GPC6: variants seen among roughly 807,000 people sequenced by gnomAD.
GPC6 encodes the protein glypican 6.
In GPC6, 14 loss-of-function variants were observed where a neutral mutation model predicts 55.2. The ratio of observed to expected loss-of-function variants is 0.25; its 90% CI spans 0.17 to 0.40. The LOEUF (loss-of-function observed/expected upper bound fraction) is 0.40. Ranked by LOEUF, GPC6 falls within the 10% of genes least tolerant of loss-of-function variation. The pLI is 1.00. For missense variants in GPC6, 641 were observed against 708.5 expected, an observed-to-expected ratio of 0.90 and a Z score of 1.08; for synonymous variants, 278 against 259.6, an observed-to-expected ratio of 1.07 and a Z score of -0.68.
intron 6 of GPC6, among the ~76,000 whole-genome samples, chr13:94,309,726 G>A (rs112223743): frequency 1.4e-4 from 22 of 152,238 alleles, no homozygotes; most frequent in Middle Eastern, 3.4e-3. Context: ...TGAGTCTATC[G>A]CAGTCCCTAC....
rs75827113 is a variant in GPC6 at position 93,577,043 on chromosome 13, T to C, written c.319+31622T>C. Among the ~76,000 whole-genome samples the C allele has an allele frequency of 4.7e-4, 71 of 152,292 alleles. No homozygotes were observed. In the East Asian group the frequency reaches 0.014, roughly 29 times the overall value. On this transcript the variant is annotated intron_variant, in intron 2 of 8. Coordinates refer to ENST00000377047, the MANE Select transcript of GPC6 (RefSeq NM_005708.5). ...ACAATGGGACATGTTTTTGTGATGA[T>C]GCCATGATTTCTAGACTAGTACTTT...
In GPC6 at chr13:93,710,742, T is replaced by C. The variant is rs900942367; in HGVS notation, c.320-119412T>C. On this transcript the variant is annotated intron_variant, in intron 2 of 8. Coordinates refer to ENST00000377047, the MANE Select transcript of GPC6 (RefSeq NM_005708.5). ...ATGAAGAAACTTATAGAAATTATAG[T>C]GTAGAATTTTCTGAAGGGTTTGAAC... Among the ~76,000 whole-genome samples the C allele has an allele frequency of 3.4e-5, 5 of 148,658 alleles. No homozygotes were observed. The East Asian group carries it at 1.0e-3, about 30-fold the overall frequency.
chr13:93,245,605 A>G (rs914227724), intron 1 of GPC6, among the ~76,000 whole-genome samples: 1 of 152,180 alleles, frequency 6.6e-6, no homozygotes, highest in African/African-American at 2.4e-5. Context: ...TGGGTCAGGT[A>G]TCATACTTTG....
intron 3 of GPC6, among the ~76,000 whole-genome samples, chr13:93,849,815 T>C (rs1314434292): frequency 6.6e-6 from 1 of 151,986 alleles, no homozygotes; most frequent in Non-Finnish European, 1.5e-5. Context: ...TTTCCCTAGG[T>C]GTGGGTAAAC....
chr13:93,731,901 A>G (rs2138837358), intron 2 of GPC6, among the ~76,000 whole-genome samples: 1 of 152,312 alleles, frequency 6.6e-6, no homozygotes, highest in African/African-American at 2.4e-5. Flanking sequence ...TATATATGTA[A>G]TAATGAAAGT....
chr13:93,793,933 A>G (rs1886123168), intron 2 of GPC6, among the ~76,000 whole-genome samples: 1 of 152,190 alleles, frequency 6.6e-6, no homozygotes, highest in South Asian at 2.1e-4. Context: ...TATAAAAACA[A>G]ATGTCTTTAT....
intron 4 of GPC6, among the ~76,000 whole-genome samples, chr13:94,189,982 C>T (rs1165383125): frequency 6.6e-6 from 1 of 150,380 alleles, no homozygotes; most frequent in Non-Finnish European, 1.5e-5. Flanking sequence ...GATCACGCCA[C>T]TGCACCCCAG....
chr13:93,223,754 CTTAAAATAAATA>C (rs1218212973), upstream of GPC6, among the ~76,000 whole-genome samples: 11 of 151,968 alleles, frequency 7.2e-5, no homozygotes, highest in Middle Eastern at 3.5e-3. Context: ...GAGACACAAT[CTTAAAATAAATA>C]TTTAGTAATT....
chr13:93,914,166 T>A (rs1877161187), intron 3 of GPC6, among the ~76,000 whole-genome samples: 1 of 152,170 alleles, frequency 6.6e-6, no homozygotes, highest in Non-Finnish European at 1.5e-5. Context: ...GCTGCACCCA[T>A]CAACTCGTCA....
intron 2 of GPC6, among the ~76,000 whole-genome samples, chr13:93,546,498 T>A (rs1874795949): frequency 6.6e-6 from 1 of 152,230 alleles, no homozygotes; most frequent in Non-Finnish European, 1.5e-5. Flanking sequence ...ACACTTTCTG[T>A]GTAAGTGACC....
At position 93,389,118 on chromosome 13, in the gene GPC6, A is replaced by G. The variant is rs561302332; in HGVS notation, c.161-156145A>G. Among the ~76,000 whole-genome samples the G allele has an allele frequency of 3.9e-5, 6 of 152,294 alleles. 1 individual carries two copies. In the East Asian group the frequency reaches 7.7e-4, roughly 20 times the overall value. On this transcript the variant is annotated intron_variant, in intron 1 of 8. Transcript: ENST00000377047. ...ACTATTGGGTGAGTTTCATAAGAGAATTAAAAGAAAATCTTAGAGCTAAAG... is the reference window on the plus strand; with the variant it reads ...ACTATTGGGTGAGTTTCATAAGAGAGTTAAAAGAAAATCTTAGAGCTAAAG...
chr13:93,305,694 G>A (rs1465127256), intron 1 of GPC6, among the ~76,000 whole-genome samples: 1 of 152,072 alleles, frequency 6.6e-6, no homozygotes, highest in Non-Finnish European at 1.5e-5. Context: ...TCTTGCATTA[G>A]GGCCCACAGA....
At chr13:93,240,581 A>C (rs1350401117) in intron 1 of GPC6, among the ~76,000 whole-genome samples, 1 of 152,094 alleles carries the variant, frequency 6.6e-6, no homozygotes, top group Non-Finnish European at 1.5e-5. Context: ...GATTGTGCTT[A>C]TTAAATTAAT....
intron 1 of GPC6, among the ~76,000 whole-genome samples, chr13:93,469,996 C>A (rs1879051554): frequency 3.9e-5 from 6 of 152,066 alleles, no homozygotes. Flanking sequence ...TATCCTCCCA[C>A]CAATTCTGTA....
intron 2 of GPC6, among the ~76,000 whole-genome samples, chr13:93,572,032 T>G (rs886703108): frequency 1.2e-4 from 18 of 152,194 alleles, no homozygotes; most frequent in African/African-American, 4.3e-4. Flanking sequence ...ATCTTCAAAC[T>G]ATAGCTGGGC....
intron 4 of GPC6, among the ~76,000 whole-genome samples, chr13:94,233,014 G>A (rs1260629558): frequency 3.4e-5 from 2 of 59,382 alleles, no homozygotes; most frequent in Non-Finnish European, 3.2e-5. Flanking sequence ...TTTTTTTTTG[G>A]TGGGACCAGG....
chr13:93,686,740 A>G (rs182218999), intron 2 of GPC6, among the ~76,000 whole-genome samples: 7 of 152,156 alleles, frequency 4.6e-5, no homozygotes, highest in African/African-American at 1.7e-4. Flanking sequence ...TGCCTTCTAC[A>G]TTTTCTTTTG....
At chr13:93,665,381 G>A (rs1881091162) in intron 2 of GPC6, among the ~76,000 whole-genome samples, 1 of 152,162 alleles carries the variant, frequency 6.6e-6, no homozygotes, top group African/African-American at 2.4e-5. Flanking sequence ...GTTTTTAAGT[G>A]TGTGGAGGTT....
At chr13:93,366,774 C>T (rs1486216177) in intron 1 of GPC6, among the ~76,000 whole-genome samples, 17 of 152,022 alleles carry the variant, frequency 1.1e-4, no homozygotes, top group Admixed American at 1.1e-3. Flanking sequence ...TATATTTATA[C>T]ATAAGCCAGA....
Sources: gnomAD v4.1 joint callset for allele counts (sites outside exome capture counted in the v4.1 genomes callset) on GRCh38, gnomAD v4.1.1 for gene constraint, MANE v1.5 for transcripts, NCBI Gene and HGNC (gene_info 2026-07-23, HGNC 2026-07-21) for gene names.